Variants in FMNL2 observed in about 807,000 individuals in gnomAD.
FMNL2 encodes formin like 2.
Under a neutral mutation model 130.2 loss-of-function variants are expected in FMNL2, and 51 were observed. The ratio of observed to expected loss-of-function variants is 0.39; its 90% confidence interval spans 0.31 to 0.49. The LOEUF (loss-of-function observed/expected upper bound fraction) is 0.49. Ranked by LOEUF, FMNL2 falls within the 20% of genes least tolerant of loss-of-function variation. The pLI, the probability that FMNL2 is intolerant of heterozygous loss-of-function variation, is 0.85. For missense variants in FMNL2, 977 were observed against 1,316.2 expected (o/e 0.74, Z 3.99); for synonymous variants, 465 against 467.1 (o/e 1.00, Z 0.06).
At chr2:152,426,056 A>T (rs1210767041) in intron 1 of FMNL2, among the ~76,000 whole-genome samples, 1 of 152,224 alleles carries the variant, frequency 6.6e-6, no homozygotes, top group Non-Finnish European at 1.5e-5. Flanking sequence ...AGGATGATGA[A>T]GAAGTTTTAA....
intron 1 of FMNL2, among the ~76,000 whole-genome samples, chr2:152,356,687 A>G (rs1418807691): frequency 6.7e-6 from 1 of 150,190 alleles, no homozygotes; most frequent in East Asian, 1.9e-4. Flanking sequence ...CATACTGTAC[A>G]CGTGTATCCT....
chr2:152,572,807 T>G (rs1696250999), intron 6 of FMNL2, among the ~76,000 whole-genome samples: 1 of 152,014 alleles, frequency 6.6e-6, no homozygotes, highest in Non-Finnish European at 1.5e-5. Context: ...TTTTTTTTTT[T>G]TTAAAGTAGT....
intron 3 of FMNL2, among the ~76,000 whole-genome samples, chr2:152,544,398 A>G (rs564237243): frequency 6.6e-6 from 1 of 152,182 alleles, no homozygotes; most frequent in African/African-American, 2.4e-5. Context: ...AAAAGAGCAA[A>G]AAACTGTGTC....
At chr2:152,594,240 T>C (rs975471590) in intron 9 of FMNL2, among the ~76,000 whole-genome samples, 3 of 152,198 alleles carry the variant, frequency 2.0e-5, no homozygotes, top group African/African-American at 7.2e-5. Context: ...GTATGTAACA[T>C]GTATTGTGTG....
At position 152,636,542 on chromosome 2, in the gene FMNL2, C is replaced by T; in HGVS notation, c.2796C>T (p.Asn932=). Residue 932 remains asparagine (N), a synonymous_variant, in exon 22 of 26, where the codon AAC becomes AAT. Coordinates refer to ENST00000288670, the MANE Select transcript of FMNL2 (RefSeq NM_052905.4). The part of the protein sequence containing the change: ...HNTLLKEFIL[N]NEGKLKKLQD... ...CGCTGCTGAAGGAGTTCATCCTCAACAATGAGGGGAAGCTGAAGAAGCTGC... is the reference window on the plus strand; with the variant it reads ...CGCTGCTGAAGGAGTTCATCCTCAATAATGAGGGGAAGCTGAAGAAGCTGC... 6.3e-7 allele frequency: 1 copy of T among 1,586,444 alleles called. No homozygotes were observed. The highest frequency in any genetic ancestry group is 8.6e-7 in the Non-Finnish European group (1 of 1,165,356).
intron 14 of FMNL2, 64 bp downstream of exon 14, chr2:152,619,222 C>T: frequency 6.8e-7 from 1 of 1,471,456 alleles, no homozygotes; most frequent in South Asian, 1.5e-5. Flanking sequence ...CTTTTGCCAA[C>T]TGTCCACTTC....
chr2:152,591,906 A>G (rs1328157985), intron 9 of FMNL2, among the ~76,000 whole-genome samples: 1 of 152,184 alleles, frequency 6.6e-6, no homozygotes, highest in Non-Finnish European at 1.5e-5. Context: ...GTTAGAGACC[A>G]TCTTGGCCAA....
At chr2:152,388,819 C>T (rs920345493) in intron 1 of FMNL2, among the ~76,000 whole-genome samples, 11 of 152,120 alleles carry the variant, frequency 7.2e-5, no homozygotes, top group African/African-American at 2.7e-4. Flanking sequence ...ACATTAGAAC[C>T]AGTGATTAAA....
chr2:152,629,870 G>A lies in FMNL2; in HGVS notation c.2515G>A (p.Ala839Thr). Residue 839 changes from alanine (A) to threonine (T), a missense_variant, in exon 20 of 26, where the codon GCA (alanine) becomes ACA (threonine). Ala to Thr is a moderately conservative substitution (Grantham distance 58, BLOSUM62 0). Around this residue, in one of 4 missense-constraint regions of FMNL2, gnomAD observed 689 missense variants for 995.9 expected, o/e 0.69. Coordinates refer to ENST00000288670, the MANE Select transcript of FMNL2 (RefSeq NM_052905.4). Reference sequence around the variant, plus strand: ...CTACATGAATAGCAGTAAAAGAGGAGCAGTTTATGGATTTAAACTTCAGAG... The same window carrying A: ...CTACATGAATAGCAGTAAAAGAGGAACAGTTTATGGATTTAAACTTCAGAG... ...GNYMNSSKRG[A>T]VYGFKLQSLD... The A allele has an allele frequency of 1.2e-6, 2 of 1,612,380 alleles. No homozygotes were observed. The highest frequency in any genetic ancestry group is 1.7e-6 in the Non-Finnish European group (2 of 1,179,180).
At position 152,618,901 on chromosome 2, in the gene FMNL2, A is replaced by G; in HGVS notation, c.1370A>G (p.Glu457Gly). The change falls in exon 14 of 26, where the codon GAA becomes GGA. Residue 457 changes from glutamate to glycine, a missense_variant. Glu to Gly is a moderately conservative substitution (Grantham distance 98, BLOSUM62 -2). This residue lies in a region of FMNL2 where 689 missense variants were observed against 995.9 expected (regional missense o/e 0.69). Transcript: ENST00000288670. The part of the protein sequence containing the change: ...QVHTLRKMVK[E>G]KEEAIQRQST... ...CACACATTAAGAAAAATGGTCAAAGAAAAAGAAGAAGCAATTCAAAGACAG... is the reference window on the plus strand; with the variant it reads ...CACACATTAAGAAAAATGGTCAAAGGAAAAGAAGAAGCAATTCAAAGACAG... 6.2e-7 allele frequency: 1 copy of G among 1,611,404 alleles called. No homozygotes were observed. The highest frequency in any genetic ancestry group is 1.3e-5 in the African/African-American group (1 of 74,666).
chr2:152,442,030 T>A (rs1660225983), intron 1 of FMNL2, among the ~76,000 whole-genome samples: 3 of 151,942 alleles, frequency 2.0e-5, no homozygotes, highest in Non-Finnish European at 4.4e-5. Flanking sequence ...TTGTGTTAAA[T>A]CTGTGTTGTT....
intron 1 of FMNL2, among the ~76,000 whole-genome samples, chr2:152,500,146 G>A (rs1691733811): frequency 6.6e-6 from 1 of 152,094 alleles, no homozygotes; most frequent in African/African-American, 2.4e-5. Flanking sequence ...AATCTGTGAA[G>A]AGAACATGTT....
At chr2:152,544,014 T>TA (rs1204937448) in intron 3 of FMNL2, among the ~76,000 whole-genome samples, 1 of 152,210 alleles carries the variant, frequency 6.6e-6, no homozygotes. Flanking sequence ...TGTCAGGTCT[T>TA]ACACCTGCAA....
At chr2:152,455,813 C>T (rs537975967) in intron 1 of FMNL2, among the ~76,000 whole-genome samples, 4 of 152,296 alleles carry the variant, frequency 2.6e-5, no homozygotes, top group East Asian at 3.9e-4. Flanking sequence ...CTCCTGGGCC[C>T]GAGTGATCCT....
intron 6 of FMNL2, among the ~76,000 whole-genome samples, chr2:152,570,098 T>G (rs1696094393): frequency 6.6e-6 from 1 of 152,236 alleles, no homozygotes; most frequent in Non-Finnish European, 1.5e-5. Flanking sequence ...TATAACTTTT[T>G]CTTTTATTAA....
chr2:152,375,704 A>G (rs533720333), intron 1 of FMNL2, among the ~76,000 whole-genome samples: 1 of 152,124 alleles, frequency 6.6e-6, no homozygotes, highest in East Asian at 1.9e-4. Flanking sequence ...CCTTGAAAAC[A>G]TCATCAGTTG....
intron 1 of FMNL2, among the ~76,000 whole-genome samples, chr2:152,381,930 C>T (rs1220228746): frequency 1.3e-5 from 2 of 151,828 alleles, no homozygotes; most frequent in African/African-American, 2.4e-5. Context: ...CCTGAGGAGG[C>T]TGGAACTACA....
intron 1 of FMNL2, among the ~76,000 whole-genome samples, chr2:152,517,415 C>T (rs1217089142): frequency 2.0e-5 from 3 of 152,116 alleles, no homozygotes; most frequent in Non-Finnish European, 2.9e-5. Flanking sequence ...TTAAGAAGAA[C>T]ATCAAAAATT....
At chr2:152,454,619 G>T (rs1214217743) in intron 1 of FMNL2, among the ~76,000 whole-genome samples, 1 of 152,180 alleles carries the variant, frequency 6.6e-6, no homozygotes, top group Non-Finnish European at 1.5e-5. Context: ...GTCTATTTCT[G>T]CCACCTTCCT....
Sources: gnomAD v4.1 joint callset for allele counts (sites outside exome capture counted in the v4.1 genomes callset) on GRCh38, gnomAD v4.1.1 for gene constraint, gnomAD v4.1.1 regional missense constraint, MANE v1.5 for transcripts, NCBI Gene and HGNC (gene_info 2026-07-23, HGNC 2026-07-21) for gene names.